TMEM117: variants seen among roughly 807,000 people sequenced by gnomAD.
The protein encoded by TMEM117 is transmembrane protein 117.
A neutral mutation model predicts 52.4 loss-of-function variants in TMEM117; 27 were observed. The observed-to-expected ratio is 0.51, with a 90% CI of 0.38 to 0.71. TMEM117 has a LOEUF of 0.71. Among genes scored for constraint, TMEM117 ranks in the 30% least tolerant of loss-of-function variants. The pLI is 0.00. For missense variants in TMEM117, 556 were observed against 630.5 expected (o/e 0.88, Z 1.26); for synonymous variants, 215 against 206.3 (o/e 1.04, Z -0.36).
intron 6 of TMEM117, among the ~76,000 whole-genome samples, chr12:44,307,167 T>C (rs982323574): frequency 1.1e-4 from 16 of 152,218 alleles, no homozygotes; most frequent in Non-Finnish European, 2.2e-4. Context: ...AGGTCACAGT[T>C]GTGGAAAGTG....
At chr12:44,261,436 C>A (rs1950319521) in intron 5 of TMEM117, among the ~76,000 whole-genome samples, 1 of 152,116 alleles carries the variant, frequency 6.6e-6, no homozygotes, top group Non-Finnish European at 1.5e-5. Context: ...TTTATGAAAT[C>A]AGTAGTCTGG....
At chr12:44,164,036 G>A (rs1948931602) in intron 4 of TMEM117, among the ~76,000 whole-genome samples, 1 of 152,054 alleles carries the variant, frequency 6.6e-6, no homozygotes, top group Admixed American at 6.6e-5. Flanking sequence ...CCTGGTGCAG[G>A]AGCTAGGGTG....
rs561788093 is a variant in TMEM117, at chr12:44,349,040, G to A, written c.769-27555G>A. On this transcript the variant is annotated intron_variant, in intron 6 of 7. Coordinates refer to ENST00000266534, the MANE Select transcript of TMEM117 (RefSeq NM_032256.3). The stretch of plus-strand genomic sequence containing the variant: ...TGAAAGCCTTTCCCAACCACAGTGA[G>A]TACCGAAACTATATTTGTATTAATC... Among the ~76,000 whole-genome samples, 84 of 152,036 alleles carry A rather than the reference G, an allele frequency of 5.5e-4. 1 individual carries two copies. The South Asian group carries it at 6.0e-3, about 11-fold the overall frequency.
chr12:43,828,515 G>A, the TMEM117 span, among the ~76,000 whole-genome samples: 3 of 152,212 alleles, frequency 2.0e-5, no homozygotes, highest in Admixed American at 1.3e-4. Flanking sequence ...CAGCCCTTCC[G>A]GTCCATGGGG....
At position 43,906,682 on chromosome 12, in the gene TMEM117, G is replaced by T. The variant is rs944107129; in HGVS notation, c.278-37528G>T. Among the ~76,000 whole-genome samples the T allele has an allele frequency of 1.4e-4, 22 of 152,348 alleles. 1 individual carries two copies. The highest frequency in any genetic ancestry group is 5.3e-4 in the African/African-American group (22 of 41,588). On this transcript the variant is annotated intron_variant, in intron 2 of 7. Transcript: ENST00000266534. ...GCAGGGCAAGCCATTGCCTCACTCA[G>T]GAAGTGCAAGGGGTCAGGGAGTTCC...
intron 3 of TMEM117, among the ~76,000 whole-genome samples, chr12:44,114,990 AT>A (rs1948113015): frequency 6.6e-6 from 1 of 152,168 alleles, no homozygotes; most frequent in South Asian, 2.1e-4. Context: ...TTATGAATGA[AT>A]TTTCAGAAAA....
intron 4 of TMEM117, among the ~76,000 whole-genome samples, chr12:44,150,657 A>G (rs769395302): frequency 9.2e-5 from 14 of 152,194 alleles, no homozygotes; most frequent in South Asian, 2.1e-4. Context: ...TTTTGCATGT[A>G]TAAATATTTT....
intron 2 of TMEM117, among the ~76,000 whole-genome samples, chr12:43,900,717 CAA>C (rs11381879): frequency 6.9e-6 from 1 of 145,418 alleles, no homozygotes. Flanking sequence ...GACTTTGTCT[CAA>C]AAAAAAAAAA....
At chr12:44,267,753 C>T (rs1041521926) in intron 5 of TMEM117, among the ~76,000 whole-genome samples, 1 of 152,108 alleles carries the variant, frequency 6.6e-6, no homozygotes, top group Non-Finnish European at 1.5e-5. Context: ...TAATTGGTAT[C>T]ATGTAGTATT....
At chr12:44,069,681 C>G (rs945744903) in intron 3 of TMEM117, among the ~76,000 whole-genome samples, 9 of 152,268 alleles carry the variant, frequency 5.9e-5, no homozygotes, top group African/African-American at 2.2e-4. Context: ...GGAACATGAT[C>G]TGATTTAGGC....
intron 5 of TMEM117, among the ~76,000 whole-genome samples, chr12:44,293,086 G>T (rs1415830405): frequency 6.6e-6 from 1 of 151,498 alleles, no homozygotes; most frequent in Non-Finnish European, 1.5e-5. Context: ...TAGTTGCCTT[G>T]TATGTTTAGA....
chr12:43,939,408 C>T (rs1365835087), intron 2 of TMEM117, among the ~76,000 whole-genome samples: 1 of 152,104 alleles, frequency 6.6e-6, no homozygotes, highest in Non-Finnish European at 1.5e-5. Flanking sequence ...TGTGTAATGC[C>T]ATACTTTTTC....
At chr12:44,075,353 A>G (rs1947365382) in intron 3 of TMEM117, among the ~76,000 whole-genome samples, 2 of 152,168 alleles carry the variant, frequency 1.3e-5, no homozygotes, top group Non-Finnish European at 2.9e-5. Context: ...TTCTTTGTGC[A>G]GAGTTGGCTT....
intron 2 of TMEM117, among the ~76,000 whole-genome samples, chr12:43,941,775 A>G (rs1021135070): frequency 1.3e-5 from 2 of 152,198 alleles, no homozygotes; most frequent in Admixed American, 6.5e-5. Flanking sequence ...ATTTTGTTCT[A>G]ATGACACTAA....
intron 6 of TMEM117, among the ~76,000 whole-genome samples, chr12:44,335,824 A>T (rs1368797782): frequency 6.6e-6 from 1 of 152,054 alleles, no homozygotes; most frequent in Non-Finnish European, 1.5e-5. Context: ...ATAATGCTTA[A>T]ACAGTAGAAT....
At chr12:44,062,295 A>G (rs1029667361) in intron 3 of TMEM117, among the ~76,000 whole-genome samples, 1 of 152,352 alleles carries the variant, frequency 6.6e-6, no homozygotes, top group South Asian at 2.1e-4. Context: ...AGAACTAGCT[A>G]TGCTTCAAAT....
intron 3 of TMEM117, among the ~76,000 whole-genome samples, chr12:44,039,881 A>G (rs1946770118): frequency 6.6e-6 from 1 of 152,156 alleles, no homozygotes; most frequent in Non-Finnish European, 1.5e-5. Flanking sequence ...TATCTGCCTG[A>G]TTATTTCCTG....
chr12:43,940,563 T>C (rs555233675), intron 2 of TMEM117, among the ~76,000 whole-genome samples: 82 of 152,074 alleles, frequency 5.4e-4, no homozygotes, highest in African/African-American at 2.0e-3. Flanking sequence ...TTTTTTGAGA[T>C]GGAGTTTTGC....
At chr12:44,104,272 C>A (rs1028133010) in intron 3 of TMEM117, among the ~76,000 whole-genome samples, 11 of 151,452 alleles carry the variant, frequency 7.3e-5, no homozygotes, top group Non-Finnish European at 1.3e-4. Flanking sequence ...TGGGTTTCCT[C>A]CCTCCCTTCA....
Sources: allele counts gnomAD v4.1 joint callset (sites outside exome capture counted in the v4.1 genomes callset), GRCh38; gene constraint gnomAD v4.1.1; transcripts MANE v1.5; gene names NCBI Gene and HGNC (gene_info 2026-07-23, HGNC 2026-07-21).